P4HB: variants seen among roughly 807,000 people sequenced by gnomAD.
P4HB encodes protein disulfide-isomerase.
A neutral mutation model predicts 52.6 loss-of-function variants in P4HB; 20 were observed. That is an observed-to-expected ratio of 0.38 (90% CI 0.27 to 0.55). The LOEUF is 0.55. Ranked by LOEUF, P4HB falls within the 20% of genes least tolerant of loss-of-function variation. The probability of loss-of-function intolerance (pLI) is 0.74; values close to 1 mark genes in which losing one functional copy is unlikely to be tolerated. For synonymous variants in P4HB, 296 were observed against 277.9 expected (o/e 1.07, Z -0.65); for missense variants, 601 against 669.2 (o/e 0.90, Z 1.12).
chr17:81,860,174 CCT>C (rs1292007742), intron 1 of P4HB, 151 bp downstream of exon 1: 1 of 601,654 alleles, frequency 1.7e-6, no homozygotes, highest in South Asian at 4.2e-5. Context: ...CCAGGGAGCC[CCT>C]GACATGGCCC....
At position 81,846,621 on chromosome 17, in the gene P4HB, G is replaced by GA; in HGVS notation, c.863dup (p.Ile289HisfsTer90). The GA allele has an allele frequency of 6.2e-7, 1 of 1,613,776 alleles. No homozygotes were observed. The highest frequency in any genetic ancestry group is 8.5e-7 in the Non-Finnish European group (1 of 1,179,994). ...CGGTGTGGTCGCTGTCGATGAAGAT[G>GA]AACAGGATCTGGGGGAGAAAAGGAG... On this transcript the variant is annotated frameshift_variant, in exon 7 of 11. Transcript: ENST00000331483. LOFTEE classifies it high-confidence loss of function. This position sits in a 1 kb window ranked among gnomAD's most constrained non-coding sequence, Gnocchi z 5.7.
Position 81,855,650 on chromosome 17 carries a change from G to A in P4HB, c.353-64C>T. The A allele has an allele frequency of 1.9e-5, 30 of 1,557,950 alleles. No individual in the cohort carries two copies. Among genetic ancestry groups the A allele is most frequent in the Non-Finnish European group, 2.6e-5 (30 of 1,146,542 alleles). On this transcript the variant is annotated intron_variant, in intron 2 of 10. Transcript: ENST00000331483. The surrounding 1 kb of genome is among the most constrained non-coding windows in gnomAD (Gnocchi z 4.3). Reference sequence around the variant, plus strand: ...GAGTGCCGCCTGCCCTGCCGCGCCTGCTCCCGTCTCTGCTCTCTGCCAGCC... The same window carrying A: ...GAGTGCCGCCTGCCCTGCCGCGCCTACTCCCGTCTCTGCTCTCTGCCAGCC...
intron 4 of P4HB, among the ~76,000 whole-genome samples, chr17:81,851,016 C>T (rs1179346454): frequency 3.3e-5 from 5 of 151,920 alleles, no homozygotes; most frequent in Non-Finnish European, 4.4e-5. Context: ...CTGCAAGCTC[C>T]GCCTCCTGAG....
rs1442750504 is a variant in P4HB, at chr17:81,856,641, TTTC to T, written c.353-1058_353-1056del. Among the ~76,000 whole-genome samples, 11 of 150,146 alleles carry T rather than the reference TTTC, an allele frequency of 7.3e-5. No homozygotes were observed. The South Asian group carries it at 1.5e-3, about 20-fold the overall frequency. On this transcript the variant is annotated intron_variant, in intron 2 of 10. Coordinates refer to ENST00000331483, the MANE Select transcript of P4HB (RefSeq NM_000918.4). ...AGGTGAGCCACTGCGCCCAGCAATG[TTTC>T]TTCTTTTTTTTTTTTTTTTTTGAGA...
Position 81,855,436 on chromosome 17 carries a change from A to G in P4HB, c.486+17T>C. 6.2e-7 allele frequency: 1 copy of G among 1,603,584 alleles called. No individual in the cohort carries two copies. The highest frequency in any genetic ancestry group is 1.3e-5 in the African/African-American group (1 of 74,808). ...GGATGACGGAAGGAAGGAAGACTGG[A>G]ATGCTCTGGTCTCTACCTTGAAGAA... On this transcript the variant is annotated intron_variant, in intron 3 of 10. Transcript: ENST00000331483. The surrounding 1 kb of genome is among the most constrained non-coding windows in gnomAD (Gnocchi z 4.3).
chr17:81,859,327 T>C lies in P4HB; in HGVS notation c.206A>G (p.Lys69Arg), dbSNP rs1192295208. 6.2e-7 allele frequency: 1 copy of C among 1,613,722 alleles called. No individual in the cohort carries two copies. Among genetic ancestry groups the C allele is most frequent in the Admixed American group, 1.7e-5 (1 of 59,988 alleles). ...GATCTCGGAACCTTCTGCCTTCAGC[T>C]TCCCAGCGGCTTTGGCATACTCAGG... ...LAPEYAKAAG[K>R]LKAEGSEIRL... The change falls in exon 2 of 11, where the codon AAG (lysine) becomes AGG (arginine). Residue 69 changes from lysine to arginine, a missense_variant. Physicochemically the swap from Lys to Arg is conservative, Grantham distance 26 (BLOSUM62 2). Transcript: ENST00000331483.
chr17:81,845,112 A>G (rs1289774684), intron 10 of P4HB, 32 bp downstream of exon 10: 10 of 1,533,388 alleles, frequency 6.5e-6, no homozygotes, highest in Admixed American at 3.4e-5. Flanking sequence ...GCTGAATCCC[A>G]GAGACCAGCC....
At chr17:81,844,167 A>C in intron 10 of P4HB, 75 bp from the exon 11 acceptor site, 2 of 1,015,440 alleles carry the variant, frequency 2.0e-6, no homozygotes, top group Non-Finnish European at 1.6e-6. Context: ...AGCACCCCAC[A>C]CTGCTCACAC....
Position 81,848,650 on chromosome 17 carries a change from C to T in P4HB, c.625-1303G>A, listed in dbSNP as rs189575996. Among the ~76,000 whole-genome samples, 815 of 146,668 alleles carry T rather than the reference C, an allele frequency of 5.6e-3. 6 individuals are homozygous for T. The highest frequency in any genetic ancestry group is 0.019 in the African/African-American group (764 of 39,734). ...ACTTGGGAGGCTGAGGCAGGAGAATCGCTTGGACCCGGGAGGCGGAGGTTG... is the reference window on the plus strand; with the variant it reads ...ACTTGGGAGGCTGAGGCAGGAGAATTGCTTGGACCCGGGAGGCGGAGGTTG... On this transcript the variant is annotated intron_variant, in intron 4 of 10. Coordinates refer to ENST00000331483, the MANE Select transcript of P4HB (RefSeq NM_000918.4).
intron 10 of P4HB, 63 bp downstream of exon 10, chr17:81,845,081 C>T (rs1165141046): frequency 1.6e-6 from 2 of 1,289,464 alleles, no homozygotes; most frequent in Non-Finnish European, 2.2e-6. Flanking sequence ...CCCAAGTGGG[C>T]ATGTCCCGTG....
chr17:81,847,949 G>C (rs1178291543), intron 4 of P4HB: 1 of 147,180 alleles, frequency 6.8e-6, no homozygotes, highest in Admixed American at 6.9e-5. Context: ...GTGTCTCCCA[G>C]GCTGGAGTGC....
In P4HB at chr17:81,855,670, C is replaced by A. The variant is rs2038903064; in HGVS notation, c.353-84G>T. On this transcript the variant is annotated intron_variant, in intron 2 of 10. Transcript: ENST00000331483. This position sits in a 1 kb window ranked among gnomAD's most constrained non-coding sequence, Gnocchi z 4.3. ...CGCCTGCTCCCGTCTCTGCTCTCTG[C>A]CAGCCAGGCTGAGGACACCTGAATC... The A allele has an allele frequency of 1.3e-6, 2 of 1,501,776 alleles. No homozygotes were observed. The highest frequency in any genetic ancestry group is 1.8e-6 in the Non-Finnish European group (2 of 1,109,536). 93.0% of individuals were successfully genotyped at this position (1,501,776 alleles called of 1,614,324 possible). A position where few individuals can be genotyped will look rare whatever the true frequency, so the allele number is the denominator to read the frequency against.
intron 4 of P4HB, among the ~76,000 whole-genome samples, chr17:81,852,126 T>C (rs1386886079): frequency 2.6e-5 from 4 of 152,100 alleles, no homozygotes; most frequent in Non-Finnish European, 5.9e-5. Flanking sequence ...GAAGCTGCAG[T>C]GAAGTGTGAT....
rs373496790 is a variant in P4HB, at chr17:81,846,022, G to A, written c.1057-31C>T. 27 of 1,578,966 alleles carry A rather than the reference G, an allele frequency of 1.7e-5. No individual in the cohort carries two copies. The highest frequency in any genetic ancestry group is 3.6e-5 in the Admixed American group (2 of 54,938). ...GGGCAGGCAGGGCACGGTGAGGGGC[G>A]GCGATGCCTGGGGGACCACAGAGCT... is the stretch of plus-strand genomic sequence containing the variant. On this transcript the variant is annotated intron_variant, in intron 7 of 10. Transcript: ENST00000331483. This position sits in a 1 kb window ranked among gnomAD's most constrained non-coding sequence, Gnocchi z 5.7.
intron 9 of P4HB, 134 bp from the exon 10 acceptor site, chr17:81,845,364 A>G: frequency 1.1e-6 from 1 of 887,890 alleles, no homozygotes; most frequent in Non-Finnish European, 1.8e-6. Context: ...GCACATTGGG[A>G]GTTCAAAAAC....
Position 81,846,646 on chromosome 17 carries a change from G to A in P4HB, c.856-17C>T, listed in dbSNP as rs1273682605. On this transcript the variant is annotated splice_polypyrimidine_tract_variant and intron_variant, in intron 6 of 10. Coordinates refer to ENST00000331483, the MANE Select transcript of P4HB (RefSeq NM_000918.4). The surrounding 1 kb of genome is among the most constrained non-coding windows in gnomAD (Gnocchi z 5.7). ...GAACAGGATCTGGGGGAGAAAAGGA[G>A]GTTGCACAGGTGCGGGAGACGGCTG... 3 of 1,610,976 alleles carry A rather than the reference G, an allele frequency of 1.9e-6. No individual in the cohort carries two copies. Among genetic ancestry groups the A allele is most frequent in the Admixed American group, 1.7e-5 (1 of 59,990 alleles).
rs77099526 is a variant in P4HB at position 81,854,952 on chromosome 17, A to G, written c.624+190T>C. On this transcript the variant is annotated intron_variant, in intron 4 of 10. Transcript: ENST00000331483. ...GGCTGTGGCAGGAGAGTGGCCAGAA[A>G]GCCCACAGCTGAATGCGAAGACCAG... Among the ~76,000 whole-genome samples, 150,574 of 152,092 alleles carry G rather than the reference A, an allele frequency of 0.99. 74,557 individuals are homozygous for G. The highest frequency in any genetic ancestry group is 1 in the Middle Eastern group (294 of 294).
At chr17:81,853,565 C>G (rs2038866423) in intron 4 of P4HB, among the ~76,000 whole-genome samples, 1 of 151,536 alleles carries the variant, frequency 6.6e-6, no homozygotes, top group African/African-American at 2.4e-5. Flanking sequence ...CAGAGACAGA[C>G]TCTGTCTCAA....
At chr17:81,857,579 C>T (rs111885877) in intron 2 of P4HB, among the ~76,000 whole-genome samples, 1,559 of 152,324 alleles carry the variant, frequency 0.01, 17 homozygotes, top group South Asian at 0.032. Context: ...CAGTTTTCTA[C>T]CTCTGGGAAC....
Sources: gnomAD v4.1 joint callset for allele counts (sites outside exome capture counted in the v4.1 genomes callset) on GRCh38, gnomAD v4.1.1 for gene constraint, Gnocchi (gnomAD v3.1) non-coding constraint, MANE v1.5 for transcripts, NCBI Gene and HGNC (gene_info 2026-07-23, HGNC 2026-07-21) for gene names.